Variants in CLIC5 observed in about 807,000 individuals in gnomAD.
The protein encoded by CLIC5 is CLIC family member 5, also known as chloride intracellular channel protein 5.
CLIC5 carries 20 observed loss-of-function variants against 24.7 expected under a neutral mutation model. That is an observed-to-expected ratio of 0.81 (90% confidence interval 0.57 to 1.18). The LOEUF (loss-of-function observed/expected upper bound fraction) is 1.18. CLIC5 is among the 50% of genes most tolerant of loss of function. The pLI, the probability that CLIC5 is intolerant of heterozygous loss-of-function variation, is 0.00. For synonymous variants in CLIC5, 159 were observed against 135.6 expected, an observed-to-expected ratio of 1.17 and a Z score of -1.20; for missense variants, 341 against 326.1, an observed-to-expected ratio of 1.05 and a Z score of -0.35.
intron 1 of CLIC5, among the ~76,000 whole-genome samples, chr6:46,036,086 C>G (rs763182855): frequency 6.6e-6 from 1 of 152,032 alleles, no homozygotes; most frequent in Non-Finnish European, 1.5e-5. Context: ...CAAAGGGCCT[C>G]CCCTGCACCT....
chr6:45,988,970 T>A (rs975237660), intron 1 of CLIC5, among the ~76,000 whole-genome samples: 1 of 152,138 alleles, frequency 6.6e-6, no homozygotes, highest in Admixed American at 6.5e-5. Context: ...ATACAGAGGG[T>A]CAGTACCTAG....
At chr6:45,894,888 T>C (rs1762380539), downstream of CLIC5, among the ~76,000 whole-genome samples, 2 of 151,126 alleles carry the variant, frequency 1.3e-5, no homozygotes, top group African/African-American at 4.9e-5. Flanking sequence ...AAATATTTTC[T>C]GGAGAAAGTA....
chr6:45,885,282 C>G (rs930322831), intron 6 of CLIC5, among the ~76,000 whole-genome samples: 1 of 152,132 alleles, frequency 6.6e-6, no homozygotes, highest in Non-Finnish European at 1.5e-5. Flanking sequence ...GAGAAGTCAG[C>G]CTTCCACTAC....
At chr6:46,067,382 G>A (rs1256293240) in intron 1 of CLIC5, among the ~76,000 whole-genome samples, 1 of 152,066 alleles carries the variant, frequency 6.6e-6, no homozygotes, top group African/African-American at 2.4e-5. Context: ...ATTCTGATTG[G>A]AAGCCACATC....
chr6:45,885,423 C>T (rs1762296999), intron 6 of CLIC5, among the ~76,000 whole-genome samples: 2 of 152,098 alleles, frequency 1.3e-5, no homozygotes, highest in South Asian at 4.1e-4. Flanking sequence ...TTATAGCAGC[C>T]CATACTAAAT....
intron 4 of CLIC5, among the ~76,000 whole-genome samples, chr6:45,931,278 C>T (rs72871467): frequency 0.011 from 1,613 of 152,248 alleles, 12 homozygotes; most frequent in Non-Finnish European, 0.015. Context: ...CAAGCCCTGA[C>T]TTATGAGGAA....
intron 1 of CLIC5, among the ~76,000 whole-genome samples, chr6:46,027,098 T>G (rs1767352365): frequency 6.6e-6 from 1 of 152,188 alleles, no homozygotes; most frequent in South Asian, 2.1e-4. Flanking sequence ...GAACATCCTG[T>G]GCCTGGTGGG....
chr6:46,046,189 T>C (rs1767947667), intron 1 of CLIC5, among the ~76,000 whole-genome samples: 1 of 152,222 alleles, frequency 6.6e-6, no homozygotes, highest in Admixed American at 6.5e-5. Flanking sequence ...ATGCTTCTTC[T>C]AACTGATGTG....
chr6:46,004,191 T>C (rs191549266), intron 1 of CLIC5, among the ~76,000 whole-genome samples: 4 of 152,322 alleles, frequency 2.6e-5, no homozygotes, highest in Admixed American at 2.6e-4. Context: ...GTATTAAGCA[T>C]GGTCAACAGG....
upstream of CLIC5, among the ~76,000 whole-genome samples, chr6:46,080,647 T>C (rs1762900195): frequency 6.6e-6 from 1 of 152,202 alleles, no homozygotes; most frequent in African/African-American, 2.4e-5. Context: ...CCTCCAAATG[T>C]TGACAACATT....
chr6:46,033,621 C>G (rs1438356202), intron 1 of CLIC5, among the ~76,000 whole-genome samples: 2 of 152,208 alleles, frequency 1.3e-5, no homozygotes, highest in African/African-American at 4.8e-5. Context: ...CCAGCCCTTC[C>G]TCATTCTGAG....
intron 1 of CLIC5, among the ~76,000 whole-genome samples, chr6:46,051,973 A>T (rs908019256): frequency 2.0e-5 from 3 of 152,116 alleles, no homozygotes; most frequent in African/African-American, 7.2e-5. Context: ...GGTATTTAGG[A>T]CCCATTGACT....
At chr6:45,933,586 T>C (rs529010697) in intron 4 of CLIC5, among the ~76,000 whole-genome samples, 2 of 152,326 alleles carry the variant, frequency 1.3e-5, no homozygotes, top group Admixed American at 1.3e-4. Context: ...GACAAGTATT[T>C]TAGGAAGAGT....
chr6:45,970,451 T>C (rs1303183997), intron 1 of CLIC5, among the ~76,000 whole-genome samples: 1 of 152,214 alleles, frequency 6.6e-6, no homozygotes, highest in Non-Finnish European at 1.5e-5. Context: ...CTGTCTTTTG[T>C]AATCCCCAGG....
intron 6 of CLIC5, among the ~76,000 whole-genome samples, chr6:45,884,611 G>A (rs1229739593): frequency 6.6e-6 from 1 of 152,196 alleles, no homozygotes; most frequent in Non-Finnish European, 1.5e-5. Flanking sequence ...GAATGCAGCA[G>A]TAGCCATGAG....
chr6:45,991,721 G>A (rs1765948875), intron 1 of CLIC5, among the ~76,000 whole-genome samples: 1 of 152,164 alleles, frequency 6.6e-6, no homozygotes, highest in Non-Finnish European at 1.5e-5. Flanking sequence ...AGGGATGAGG[G>A]AAGGAAAAGA....
intron 6 of CLIC5, among the ~76,000 whole-genome samples, chr6:45,890,486 T>C (rs971865061): frequency 6.6e-6 from 1 of 152,166 alleles, no homozygotes; most frequent in African/African-American, 2.4e-5. Flanking sequence ...AGCACAGCCA[T>C]TTTTGGAAAC....
chr6:45,966,891 AT>A (rs1224525723), intron 1 of CLIC5, among the ~76,000 whole-genome samples: 2 of 152,208 alleles, frequency 1.3e-5, no homozygotes, highest in Non-Finnish European at 2.9e-5. Flanking sequence ...GCCAACTGAT[AT>A]TTTTATGGTT....
At chr6:45,908,974 A>G (rs1260232458) in intron 5 of CLIC5, among the ~76,000 whole-genome samples, 2 of 149,912 alleles carry the variant, frequency 1.3e-5, no homozygotes, top group East Asian at 3.9e-4. Flanking sequence ...GTGTGTATAT[A>G]TTTAGAATGG....
Sources: gnomAD v4.1 joint callset for allele counts (sites outside exome capture counted in the v4.1 genomes callset) on GRCh38, gnomAD v4.1.1 for gene constraint, MANE v1.5 for transcripts, NCBI Gene and HGNC (gene_info 2026-07-23, HGNC 2026-07-21) for gene names.